The following MYT1 variants were observed in gnomAD, a reference collection of about 807,000 sequenced individuals.
MYT1 encodes myelin transcription factor I.
Under a neutral mutation model 123.0 loss-of-function variants are expected in MYT1, and 23 were observed. The ratio of observed to expected loss-of-function variants is 0.19; its 90% confidence interval spans 0.13 to 0.26. The LOEUF (loss-of-function observed/expected upper bound fraction) is 0.26, where lower values mean the gene tolerates loss of function less well. Ranked by LOEUF, MYT1 falls within the 10% of genes least tolerant of loss-of-function variation. MYT1 has a pLI of 1.00. For synonymous variants in MYT1, 518 were observed against 575.3 expected, an observed-to-expected ratio of 0.90 and a Z score of 1.43; for missense variants, 1,125 against 1,472.5, an observed-to-expected ratio of 0.76 and a Z score of 3.86.
At chr20:64,235,467 C>T (rs1240793483) in intron 19 of MYT1, among the ~76,000 whole-genome samples, 1 of 125,760 alleles carries the variant, frequency 8.0e-6, no homozygotes, top group Non-Finnish European at 1.6e-5. Flanking sequence ...GGTGGGTGAC[C>T]CTGGAATGGT....
chr20:64,195,127 T>A (rs1983072477), intron 2 of MYT1, among the ~76,000 whole-genome samples: 1 of 152,150 alleles, frequency 6.6e-6, no homozygotes, highest in African/African-American at 2.4e-5. Flanking sequence ...GTGCTGGGAT[T>A]ACAGGCGTGA....
At chr20:64,239,083 G>A (rs1013281110) in intron 21 of MYT1, among the ~76,000 whole-genome samples, 4 of 152,208 alleles carry the variant, frequency 2.6e-5, no homozygotes, top group Non-Finnish European at 4.4e-5. Flanking sequence ...CTCTGCCCCC[G>A]TGGCTCCCTG....
chr20:64,217,017 G>T, intron 10 of MYT1, 50 bp from the exon 11 acceptor site: 1 of 1,561,916 alleles, frequency 6.4e-7, no homozygotes, highest in Non-Finnish European at 8.8e-7. Flanking sequence ...GGTGGCACGG[G>T]ATCCCCAGGT....
At chr20:64,204,269 GGA>G (rs1983412770) in intron 4 of MYT1, among the ~76,000 whole-genome samples, 1 of 152,198 alleles carries the variant, frequency 6.6e-6, no homozygotes, top group East Asian at 1.9e-4. Flanking sequence ...GGTTATATAG[GGA>G]GACAGATGAT....
rs1004186950 is a variant in MYT1, at chr20:64,193,286, C to A, written c.-1+3126C>A. Reference sequence around the variant, plus strand: ...AAAGCAGGATGTGTGCTGAGGTCACCGACTTTCTATATCTGTTCTGTGGGC... The same window carrying A: ...AAAGCAGGATGTGTGCTGAGGTCACAGACTTTCTATATCTGTTCTGTGGGC... On this transcript the variant is annotated intron_variant, in intron 2 of 22. Transcript: ENST00000328439. The surrounding 1 kb of genome is among the most constrained non-coding windows in gnomAD (Gnocchi z 4.0). Among the ~76,000 whole-genome samples, 1 of 152,046 alleles carries A rather than the reference C, an allele frequency of 6.6e-6. No homozygotes were observed. Among genetic ancestry groups the A allele is most frequent in the African/African-American group, 2.4e-5 (1 of 41,388 alleles).
At chr20:64,206,361 C>T (rs549853456) in intron 6 of MYT1, among the ~76,000 whole-genome samples, 33 of 152,286 alleles carry the variant, frequency 2.2e-4, no homozygotes, top group Middle Eastern at 3.4e-3. Context: ...GGAAAGCAGA[C>T]GAGTCCCCCA....
Position 64,232,260 on chromosome 20 carries a change from G to A in MYT1, c.2772G>A (p.Gln924=). 1 of 1,613,204 alleles carries A rather than the reference G, an allele frequency of 6.2e-7. No individual in the cohort carries two copies. The highest frequency in any genetic ancestry group is 1.3e-5 in the African/African-American group (1 of 75,052). Residue 924 remains glutamine (Q), a synonymous_variant, in exon 19 of 23, where the codon CAG becomes CAA. Coordinates refer to ENST00000328439, the MANE Select transcript of MYT1 (RefSeq NM_004535.3). The surrounding 1 kb of genome is among the most constrained non-coding windows in gnomAD (Gnocchi z 6.9). ...ASGCPLAARR[Q]KEGSLNGSSF... is the part of the protein sequence containing the mutation. ...GCTGCCCACTGGCCGCCCGCAGGCA[G>A]AAGGAAGGGTCCCTCAATGGCTCGT...
At position 64,168,037 on chromosome 20, in the gene MYT1, A is replaced by G. The variant is rs191936372; in HGVS notation, c.-99+3298A>G. On this transcript the variant is annotated intron_variant, in intron 1 of 22. Coordinates refer to ENST00000328439, the MANE Select transcript of MYT1 (RefSeq NM_004535.3). This position sits in a 1 kb window ranked among gnomAD's most constrained non-coding sequence, Gnocchi z 6.1. ...AGCCCCACTGGGGAGCCCACTGCCC[A>G]GCCCGGAGTGTCTGCTGGAGGCCTG... Among the ~76,000 whole-genome samples, 46 of 152,318 alleles carry G rather than the reference A, an allele frequency of 3.0e-4. No homozygotes were observed. The East Asian group carries it at 8.3e-3, about 27-fold the overall frequency.
intron 1 of MYT1, among the ~76,000 whole-genome samples, chr20:64,169,645 T>C (rs1982185573): frequency 6.6e-6 from 1 of 152,146 alleles, no homozygotes; most frequent in African/African-American, 2.4e-5. Flanking sequence ...GGGATTGTGC[T>C]CACCCTGCCC....
chr20:64,179,168 C>T (rs1982567813), intron 1 of MYT1, among the ~76,000 whole-genome samples: 1 of 150,568 alleles, frequency 6.6e-6, no homozygotes, highest in Admixed American at 6.6e-5. Flanking sequence ...CGTGGGAGCA[C>T]TGAGCCGTTA....
intron 10 of MYT1, among the ~76,000 whole-genome samples, chr20:64,215,181 T>C (rs1003371042): frequency 6.6e-6 from 1 of 152,200 alleles, no homozygotes; most frequent in Non-Finnish European, 1.5e-5. Flanking sequence ...AAATCACCGA[T>C]AAAATGTCAA....
At chr20:64,216,965 G>A (rs1021214424) in intron 10 of MYT1, 102 bp from the exon 11 acceptor site, 13 of 1,085,272 alleles carry the variant, frequency 1.2e-5, no homozygotes, top group Middle Eastern at 3.0e-4. Flanking sequence ...CTCACCAGAC[G>A]CTGTGAGGCC....
At chr20:64,180,967 T>C (rs1017812177) in intron 1 of MYT1, among the ~76,000 whole-genome samples, 1 of 152,238 alleles carries the variant, frequency 6.6e-6, no homozygotes, top group Non-Finnish European at 1.5e-5. Flanking sequence ...TTTATTCTTC[T>C]ACTTCCTGTG....
Position 64,217,105 on chromosome 20 carries a change from A to G in MYT1, c.1670A>G (p.Tyr557Cys), listed in dbSNP as rs771501903. ...GTGAAGCAGCTCGAGGTCCCTCCAT[A>G]TGGGAGCTACCGGCCCAACGTGGCC... ...CFVKQLEVPP[Y>C]GSYRPNVAPA... Residue 557 changes from tyrosine to cysteine, a missense_variant, in exon 11 of 23, where the codon TAT becomes TGT. Coordinates refer to ENST00000328439, the MANE Select transcript of MYT1 (RefSeq NM_004535.3). 3 of 1,613,956 alleles carry G rather than the reference A, an allele frequency of 1.9e-6. No individual in the cohort carries two copies. Among genetic ancestry groups the G allele is most frequent in the East Asian group, 2.2e-5 (1 of 44,876 alleles).
At chr20:64,211,934 C>T (rs959851004) in intron 8 of MYT1, 114 bp from the exon 9 acceptor site, 5 of 838,578 alleles carry the variant, frequency 6.0e-6, no homozygotes, top group East Asian at 5.0e-5. Context: ...GCCTACCAAG[C>T]AGCAGCCTTT....
In MYT1 at chr20:64,240,399, A is replaced by G. The variant is rs371121354; in HGVS notation, c.3317A>G (p.Lys1106Arg). The G allele has an allele frequency of 1.2e-6, 2 of 1,613,980 alleles. No homozygotes were observed. The highest frequency in any genetic ancestry group is 1.1e-5 in the South Asian group (1 of 91,084). ...DMYSNQDPEN[K>R]DLLESIKQAV... is the part of the protein sequence containing the mutation. ...TACTCCAACCAGGACCCGGAGAACA[A>G]GGACCTCCTGGAGAGCATCAAGCAG... Residue 1106 changes from lysine (K) to arginine (R), a missense_variant, in exon 23 of 23, where the codon AAG becomes AGG. By Grantham distance (26) the Lys-to-Arg change is conservative (BLOSUM62 2). Coordinates refer to ENST00000328439, the MANE Select transcript of MYT1 (RefSeq NM_004535.3).
chr20:64,195,595 C>A (rs1983096151), intron 2 of MYT1, among the ~76,000 whole-genome samples: 1 of 151,566 alleles, frequency 6.6e-6, no homozygotes, highest in South Asian at 2.1e-4. Context: ...GGGGTTTCAC[C>A]CTGTTGGCCA....
intron 1 of MYT1, among the ~76,000 whole-genome samples, chr20:64,184,040 G>A (rs572332041): frequency 4.4e-4 from 67 of 152,038 alleles, no homozygotes; most frequent in Non-Finnish European, 7.9e-4. Context: ...GGCTGGTCTC[G>A]AACCCCTGAC....
chr20:64,170,018 G>A, intron 1 of MYT1, among the ~76,000 whole-genome samples: 1 of 149,182 alleles, frequency 6.7e-6, no homozygotes, highest in South Asian at 2.2e-4. Context: ...GCTGCCCGCA[G>A]GCCACAGTAT....
Sources: gnomAD v4.1 joint callset for allele counts (sites outside exome capture counted in the v4.1 genomes callset) on GRCh38, gnomAD v4.1.1 for gene constraint, Gnocchi (gnomAD v3.1) non-coding constraint, MANE v1.5 for transcripts, NCBI Gene and HGNC (gene_info 2026-07-23, HGNC 2026-07-21) for gene names.